The following RUBCNL variants were observed in gnomAD, a reference collection of about 807,000 sequenced individuals.
RUBCNL encodes rubicon like autophagy enhancer, also known as protein associated with UVRAG as autophagy enhancer.
RUBCNL carries 62 observed loss-of-function variants against 69.5 expected under a neutral mutation model. The observed-to-expected ratio is 0.89, with a 90% confidence interval of 0.73 to 1.10. The LOEUF (loss-of-function observed/expected upper bound fraction) is 1.10. RUBCNL is among the 50% of genes least tolerant of loss of function. The probability of loss-of-function intolerance (pLI) is 0.00; values close to 1 mark genes in which losing one functional copy is unlikely to be tolerated. For synonymous variants in RUBCNL, 291 were observed against 303.6 expected, an observed-to-expected ratio of 0.96 and a Z score of 0.43; for missense variants, 768 against 798.1, an observed-to-expected ratio of 0.96 and a Z score of 0.45.
chr13:46,344,599 C>T (rs1174368440), intron 14 of RUBCNL, 142 bp downstream of exon 14: 20 of 639,300 alleles, frequency 3.1e-5, no homozygotes, highest in Non-Finnish European at 3.8e-5. Context: ...TACAAGCACA[C>T]ACCAGCATGA....
Position 46,350,492 on chromosome 13 carries a change from C to G in RUBCNL, c.1331-141G>C, listed in dbSNP as rs940559478. 6.3e-5 allele frequency: 40 copies of G among 633,222 alleles called. No homozygotes were observed. The South Asian group carries it at 7.2e-4, about 11-fold the overall frequency. The allele number at this position is 633,222 out of a possible 1,614,324, so 39.2% of individuals were successfully genotyped here. A position where few individuals can be genotyped will look rare whatever the true frequency, so the allele number is the denominator to read the frequency against. On this transcript the variant is annotated intron_variant, in intron 10 of 14. Coordinates refer to ENST00000429979, the MANE Select transcript of RUBCNL (RefSeq NM_025113.5). ...GATAAAGCCATACTCAACCTCATGA[C>G]AGCTGGGAAGGCTCCAGCAGAGACT...
At chr13:46,386,664 C>A (rs1210205424) in intron 1 of RUBCNL, among the ~76,000 whole-genome samples, 1 of 152,206 alleles carries the variant, frequency 6.6e-6, no homozygotes, top group Non-Finnish European at 1.5e-5. Flanking sequence ...CGATTTCACA[C>A]TCCAGCCTAG....
In RUBCNL at chr13:46,343,190, C is replaced by A; in HGVS notation, c.*195G>T. On this transcript the variant is annotated 3_prime_UTR_variant, in exon 15 of 15. Transcript: ENST00000429979. The stretch of plus-strand genomic sequence containing the variant: ...AACAGAACATTTGTAAACAAAACCA[C>A]AACTATCAGCCCTGTGCTTAAACAC... 1.1e-6 allele frequency: 1 copy of A among 876,784 alleles called. No individual in the cohort carries two copies. The allele number at this position is 876,784 out of a possible 1,614,324, so 54.3% of individuals were successfully genotyped here. A position where few individuals can be genotyped will look rare whatever the true frequency, so the allele number is the denominator to read the frequency against.
intron 1 of RUBCNL, among the ~76,000 whole-genome samples, chr13:46,383,480 T>C (rs1252813600): frequency 6.6e-6 from 1 of 152,244 alleles, no homozygotes; most frequent in East Asian, 1.9e-4. Context: ...AATGCTTATA[T>C]GACATTTACT....
intron 10 of RUBCNL, among the ~76,000 whole-genome samples, chr13:46,355,874 T>C (rs2048473570): frequency 6.6e-6 from 1 of 152,148 alleles, no homozygotes. Context: ...GAGACTATTT[T>C]AGAAAGACTG....
chr13:46,360,050 G>C (rs2048576853), intron 8 of RUBCNL, among the ~76,000 whole-genome samples: 1 of 152,116 alleles, frequency 6.6e-6, no homozygotes, highest in Non-Finnish European at 1.5e-5. Context: ...CAAATGTTCA[G>C]TGCCTCCCCG....
In RUBCNL at chr13:46,336,725, T is replaced by A. The variant is rs931346124; in HGVS notation, c.*6660A>T. On this transcript the variant is annotated 3_prime_UTR_variant, in exon 15 of 15. Transcript: ENST00000429979. Reference sequence around the variant, plus strand: ...GGTAGAATGGTTGAGATGGAAATGCTATTGTTGTAGGTAAAGGAAGAAAGA... The same window carrying A: ...GGTAGAATGGTTGAGATGGAAATGCAATTGTTGTAGGTAAAGGAAGAAAGA... Among the ~76,000 whole-genome samples the A allele has an allele frequency of 6.6e-6, 1 of 152,106 alleles. No homozygotes were observed. Among genetic ancestry groups the A allele is most frequent in the East Asian group, 1.9e-4 (1 of 5,188 alleles).
At chr13:46,349,692 T>G (rs2048327275) in intron 11 of RUBCNL, among the ~76,000 whole-genome samples, 1 of 152,042 alleles carries the variant, frequency 6.6e-6, no homozygotes, top group Non-Finnish European at 1.5e-5. Context: ...TTTTTTTTTT[T>G]TTGAGACAGG....
intron 5 of RUBCNL, 137 bp downstream of exon 5, chr13:46,367,904 TA>T: frequency 3.8e-6 from 3 of 787,088 alleles, no homozygotes; most frequent in Non-Finnish European, 6.3e-6. Flanking sequence ...AAGTAGTGTA[TA>T]TAGAGTTTGG....
intron 13 of RUBCNL, 67 bp from the exon 14 acceptor site, chr13:46,344,898 A>G (rs940614516): frequency 1.0e-6 from 1 of 1,004,882 alleles, no homozygotes; most frequent in Non-Finnish European, 1.5e-6. Context: ...TCACTATTAC[A>G]GAACTTTATA....
chr13:46,359,801 C>G (rs530273912), intron 8 of RUBCNL, among the ~76,000 whole-genome samples, 170 bp from the exon 9 acceptor site: 1 of 152,196 alleles, frequency 6.6e-6, no homozygotes, highest in South Asian at 2.1e-4. Context: ...CTAAAGCCAT[C>G]TGCAAGAGAA....
rs913028448 is a variant in RUBCNL at position 46,344,688 on chromosome 13, T to C, written c.1876+53A>G. 8 of 1,190,412 alleles carry C rather than the reference T, an allele frequency of 6.7e-6. No individual in the cohort carries two copies. The African/African-American group carries it at 1.1e-4, about 16-fold the overall frequency. 73.7% of individuals were successfully genotyped at this position (1,190,412 alleles called of 1,614,324 possible). A position where few individuals can be genotyped will look rare whatever the true frequency, so the allele number is the denominator to read the frequency against. ...AATTTTGTGCTTAAGTTACTAAACTTAGTTTAATTAGTTAACCTATTATTA... is the reference window on the plus strand; with the variant it reads ...AATTTTGTGCTTAAGTTACTAAACTCAGTTTAATTAGTTAACCTATTATTA... On this transcript the variant is annotated intron_variant, in intron 14 of 14. Coordinates refer to ENST00000429979, the MANE Select transcript of RUBCNL (RefSeq NM_025113.5).
rs112991196 is a variant in RUBCNL, at chr13:46,382,970, G to A, written c.-239+4164C>T. Reference sequence around the variant, plus strand: ...ATTTTTTAGAAATATATATACAGAAGTATTTAGAAATAACTGATAGAATGT... The same window carrying A: ...ATTTTTTAGAAATATATATACAGAAATATTTAGAAATAACTGATAGAATGT... On this transcript the variant is annotated intron_variant, in intron 1 of 14. Coordinates refer to ENST00000429979, the MANE Select transcript of RUBCNL (RefSeq NM_025113.5). Among the ~76,000 whole-genome samples, 278 of 152,318 alleles carry A rather than the reference G, an allele frequency of 1.8e-3. 2 individuals carry two copies. Among genetic ancestry groups the A allele is most frequent in the African/African-American group, 6.2e-3 (259 of 41,568 alleles).
At chr13:46,384,713 A>G (rs554370286) in intron 1 of RUBCNL, among the ~76,000 whole-genome samples, 2 of 152,362 alleles carry the variant, frequency 1.3e-5, no homozygotes, top group South Asian at 2.1e-4. Flanking sequence ...TCTAACTTCT[A>G]TTCATTTTCC....
chr13:46,360,064 A>G (rs9534381), intron 8 of RUBCNL, among the ~76,000 whole-genome samples: 21,863 of 152,146 alleles, frequency 0.14, 1,865 homozygotes, highest in Middle Eastern at 0.21. Context: ...CTCCCCGCTG[A>G]ACCACTGGAC....
intron 10 of RUBCNL, among the ~76,000 whole-genome samples, chr13:46,352,985 GCA>G (rs2048403288): frequency 6.6e-6 from 1 of 152,124 alleles, no homozygotes; most frequent in Admixed American, 6.5e-5. Flanking sequence ...ACTGATGAAA[GCA>G]CAAGACACTG....
Position 46,349,369 on chromosome 13 carries a change from G to A in RUBCNL, c.1570-22C>T, listed in dbSNP as rs201862984. Reference sequence around the variant, plus strand: ...TTTCCTAATGGGAGAAACCAAACACGGGGAAAAGTTAAATGTAATAAATGA... The same window carrying A: ...TTTCCTAATGGGAGAAACCAAACACAGGGAAAAGTTAAATGTAATAAATGA... On this transcript the variant is annotated intron_variant, in intron 11 of 14. Transcript: ENST00000429979. 13 of 1,605,236 alleles carry A rather than the reference G, an allele frequency of 8.1e-6. 2 individuals are homozygous for A. Among genetic ancestry groups the A allele is most frequent in the African/African-American group, 8.0e-5 (6 of 74,706 alleles).
intron 2 of RUBCNL, chr13:46,374,388 GT>G: frequency 6.6e-6 from 1 of 152,404 alleles, no homozygotes; most frequent in Non-Finnish European, 1.5e-5. Flanking sequence ...GTAACACCGT[GT>G]TTTAACACCC....
At chr13:46,344,406 A>G (rs1404574581) in intron 14 of RUBCNL, among the ~76,000 whole-genome samples, 2 of 152,210 alleles carry the variant, frequency 1.3e-5, no homozygotes, top group Non-Finnish European at 2.9e-5. Flanking sequence ...GTGGCACAAA[A>G]GCAGCCAGAG....
Sources: gnomAD v4.1 joint callset for allele counts (sites outside exome capture counted in the v4.1 genomes callset) on GRCh38, gnomAD v4.1.1 for gene constraint, MANE v1.5 for transcripts, NCBI Gene and HGNC (gene_info 2026-07-23, HGNC 2026-07-21) for gene names.